NCKAP5: variants seen among roughly 807,000 people sequenced by gnomAD.
The protein encoded by NCKAP5 is NCK associated protein 5, also known as nck-associated protein 5.
In NCKAP5, 92 loss-of-function variants were observed where a neutral mutation model predicts 167.0. That is an observed-to-expected ratio of 0.55 (90% CI 0.47 to 0.66). NCKAP5 has a LOEUF of 0.66. Ranked by LOEUF, NCKAP5 falls within the 30% of genes least tolerant of loss-of-function variation. The pLI, the probability that NCKAP5 is intolerant of heterozygous loss-of-function variation, is 0.00. For missense variants in NCKAP5, 2,378 were observed against 2,315.0 expected, an observed-to-expected ratio of 1.03 and a Z score of -0.56; for synonymous variants, 891 against 877.4, an observed-to-expected ratio of 1.02 and a Z score of -0.27.
intron 4 of NCKAP5, among the ~76,000 whole-genome samples, chr2:133,271,905 T>C (rs2089528311): frequency 6.6e-6 from 1 of 152,118 alleles, no homozygotes; most frequent in South Asian, 2.1e-4. Context: ...TAACACACAT[T>C]TTGGAAAAAA....
chr2:132,953,580 A>G (rs763958466), intron 8 of NCKAP5, among the ~76,000 whole-genome samples: 14 of 152,098 alleles, frequency 9.2e-5, no homozygotes, highest in Non-Finnish European at 1.9e-4. Flanking sequence ...TCCAGCATCC[A>G]GCAGGAGGCC....
Position 133,383,063 on chromosome 2 carries a change from TA to T in NCKAP5, c.70-79954del, listed in dbSNP as rs551522892. On this transcript the variant is annotated intron_variant, in intron 3 of 19. Transcript: ENST00000409261. ...TGATGCATTCTAGGATTGCTTTTTT[TA>T]AAAAAAATTTTTTTATTATACTTTA... 2.6e-3 allele frequency among the ~76,000 whole-genome samples: 400 copies of T among 152,282 alleles called. 2 individuals carry two copies. Among genetic ancestry groups the T allele is most frequent in the African/African-American group, 9.4e-3 (391 of 41,556 alleles).
chr2:132,889,222 C>G (rs1692486244), intron 8 of NCKAP5, among the ~76,000 whole-genome samples: 1 of 152,174 alleles, frequency 6.6e-6, no homozygotes, highest in African/African-American at 2.4e-5. Context: ...TGGAGATGAA[C>G]TATCCAGCTG....
At chr2:132,752,738 G>T (rs536022921) in intron 16 of NCKAP5, among the ~76,000 whole-genome samples, 4 of 152,244 alleles carry the variant, frequency 2.6e-5, no homozygotes, top group South Asian at 4.1e-4. Context: ...TAAAGAATTG[G>T]CTCACATGAT....
intron 5 of NCKAP5, among the ~76,000 whole-genome samples, chr2:133,190,970 C>G (rs957144209): frequency 1.3e-5 from 2 of 152,144 alleles, no homozygotes; most frequent in African/African-American, 4.8e-5. Context: ...AAACTACCAT[C>G]AGAGTGAACA....
chr2:133,172,427 T>G (rs1376931411), intron 5 of NCKAP5, among the ~76,000 whole-genome samples: 1 of 152,256 alleles, frequency 6.6e-6, no homozygotes, highest in Non-Finnish European at 1.5e-5. Context: ...TCTTGCCACT[T>G]GCTGGAGGCT....
At chr2:132,889,006 G>A (rs1692466055) in intron 8 of NCKAP5, among the ~76,000 whole-genome samples, 1 of 152,134 alleles carries the variant, frequency 6.6e-6, no homozygotes, top group Non-Finnish European at 1.5e-5. Context: ...GCTTCTACCT[G>A]GCCTCTTAGA....
chr2:132,815,213 A>G (rs1007076677), intron 11 of NCKAP5, among the ~76,000 whole-genome samples: 3 of 152,270 alleles, frequency 2.0e-5, no homozygotes, highest in Admixed American at 1.3e-4. Context: ...CATGTGCAGT[A>G]TTTGCAACCT....
At chr2:133,627,644 G>T in the NCKAP5 span, among the ~76,000 whole-genome samples, 1 of 152,072 alleles carries the variant, frequency 6.6e-6, no homozygotes, top group African/African-American at 2.4e-5. Context: ...GTGGTGACGT[G>T]CATCTGTAGT....
chr2:132,762,808 G>A (rs893030490), intron 16 of NCKAP5, among the ~76,000 whole-genome samples: 1 of 152,348 alleles, frequency 6.6e-6, no homozygotes, highest in East Asian at 1.9e-4. Context: ...ACACACGGCT[G>A]CTATCAGCCA....
intron 6 of NCKAP5, among the ~76,000 whole-genome samples, chr2:133,007,635 C>G (rs961034934): frequency 6.6e-6 from 1 of 152,098 alleles, no homozygotes; most frequent in Non-Finnish European, 1.5e-5. Context: ...CACTTTTCTT[C>G]CATGGGTAGG....
At chr2:133,392,918 G>A (rs530764724) in intron 3 of NCKAP5, among the ~76,000 whole-genome samples, 8 of 152,214 alleles carry the variant, frequency 5.3e-5, no homozygotes, top group East Asian at 1.9e-4. Context: ...AGGCAACAGC[G>A]TCGAAAACTG....
chr2:133,273,805 A>AT (rs5834349), intron 4 of NCKAP5, among the ~76,000 whole-genome samples: 39,555 of 151,460 alleles, frequency 0.26, 5,283 homozygotes, highest in Middle Eastern at 0.3. Context: ...TCCAAAAAAA[A>AT]ATTTGGGGGA....
chr2:132,795,654 A>G (rs1186910422), intron 12 of NCKAP5, among the ~76,000 whole-genome samples: 9 of 151,994 alleles, frequency 5.9e-5, no homozygotes, highest in African/African-American at 1.7e-4. Context: ...CCCCTTTTGT[A>G]ATAAAAATAT....
At chr2:132,876,478 C>T (rs533299147) in intron 9 of NCKAP5, among the ~76,000 whole-genome samples, 117 of 152,252 alleles carry the variant, frequency 7.7e-4, no homozygotes, top group African/African-American at 2.6e-3. Flanking sequence ...TACATAAGGC[C>T]TTACCTTGTT....
Position 132,790,130 on chromosome 2 carries a change from G to A in NCKAP5, c.985C>T (p.Arg329Ter), listed in dbSNP as rs756124627. 4 of 1,613,604 alleles carry A rather than the reference G, an allele frequency of 2.5e-6. No individual in the cohort carries two copies. Among genetic ancestry groups the A allele is most frequent in the East Asian group, 2.2e-5 (1 of 44,862 alleles). Residue 329 changes from arginine (R) to a stop codon, truncating the protein, a stop_gained, in exon 13 of 20, where the codon CGA becomes TGA. Coordinates refer to ENST00000409261, the MANE Select transcript of NCKAP5 (RefSeq NM_207363.3). LOFTEE classifies it high-confidence loss of function. Reference protein sequence around the residue: ...GAVIPGHLCPRNSYSSSSELS... With the variant: ...GAVIPGHLCP ...TCACTGCTGCTACTGTAGCTGTTTC[G>A]AGGACAGAGATGACCAGGGATGACA...
chr2:133,229,913 G>A (rs992856990), intron 4 of NCKAP5, among the ~76,000 whole-genome samples: 4 of 151,858 alleles, frequency 2.6e-5, no homozygotes, highest in East Asian at 1.9e-4. Context: ...GCTCTTCCAC[G>A]TACCAGCTCA....
intron 5 of NCKAP5, among the ~76,000 whole-genome samples, chr2:133,207,216 G>T (rs2085991349): frequency 6.6e-6 from 1 of 151,896 alleles, no homozygotes; most frequent in Non-Finnish European, 1.5e-5. Context: ...CCAATATGTG[G>T]TGTCACCCCT....
chr2:133,386,982 G>T (rs1687021245), intron 3 of NCKAP5, among the ~76,000 whole-genome samples: 1 of 152,086 alleles, frequency 6.6e-6, no homozygotes, highest in Non-Finnish European at 1.5e-5. Flanking sequence ...CACACTGATG[G>T]GTCTTGACTC....
Sources: gnomAD v4.1 joint callset for allele counts (sites outside exome capture counted in the v4.1 genomes callset) on GRCh38, gnomAD v4.1.1 for gene constraint, MANE v1.5 for transcripts, NCBI Gene and HGNC (gene_info 2026-07-23, HGNC 2026-07-21) for gene names.